Variants in RCAN3 observed in about 807,000 individuals in gnomAD.
The protein encoded by RCAN3 is regulator of calcineurin 3.
Under a neutral mutation model 21.9 loss-of-function variants are expected in RCAN3, and 19 were observed. That is an observed-to-expected ratio of 0.87 (90% confidence interval 0.61 to 1.27). The LOEUF is 1.27. RCAN3 is among the 50% of genes most tolerant of loss of function. The pLI is 0.00. For synonymous variants in RCAN3, 114 were observed against 112.3 expected, an observed-to-expected ratio of 1.01 and a Z score of -0.09; for missense variants, 240 against 300.1, an observed-to-expected ratio of 0.80 and a Z score of 1.48.
intron 2 of RCAN3, among the ~76,000 whole-genome samples, chr1:24,519,723 C>A (rs1648641938): frequency 6.6e-6 from 1 of 152,146 alleles, no homozygotes. Flanking sequence ...GTTCCCAGTG[C>A]AAAGCAACAC....
chr1:24,506,645 C>T (rs1047730103), intron 1 of RCAN3, among the ~76,000 whole-genome samples: 10 of 149,690 alleles, frequency 6.7e-5, no homozygotes, highest in African/African-American at 2.2e-4. Context: ...ACAGCATACC[C>T]GAGTTCCTTG....
chr1:24,522,845 G>A (rs964961412), intron 2 of RCAN3, among the ~76,000 whole-genome samples: 3 of 152,034 alleles, frequency 2.0e-5, no homozygotes, highest in Admixed American at 1.3e-4. Context: ...AAACACCCAC[G>A]TGCCCACCCA....
chr1:24,540,482 T>C lies in RCAN3; in HGVS notation c.*5205T>C, dbSNP rs1233810340. ...GCAGATAATACATGTTTTTAAATAC[T>C]GTTTTCTGTTTAGTCCTCAATCTTC... On this transcript the variant is annotated 3_prime_UTR_variant, in exon 5 of 5. Coordinates refer to ENST00000374395, the MANE Select transcript of RCAN3 (RefSeq NM_013441.4). The C allele has an allele frequency of 6.6e-6, 1 of 152,220 alleles. No homozygotes were observed. Among genetic ancestry groups the C allele is most frequent in the African/African-American group, 2.4e-5 (1 of 41,462 alleles). The allele number at this position is 152,220 out of a possible 1,614,324, so 9.4% of individuals were successfully genotyped here.
Position 24,535,910 on chromosome 1 carries a change from T to C in RCAN3, c.*633T>C, listed in dbSNP as rs1422647812. 6.6e-6 allele frequency: 1 copy of C among 152,218 alleles called. No homozygotes were observed. The highest frequency in any genetic ancestry group is 1.5e-5 in the Non-Finnish European group (1 of 68,032). The allele number at this position is 152,218 out of a possible 1,614,324, so 9.4% of individuals were successfully genotyped here. A position where few individuals can be genotyped will look rare whatever the true frequency, so the allele number is the denominator to read the frequency against. On this transcript the variant is annotated 3_prime_UTR_variant, in exon 5 of 5. Coordinates refer to ENST00000374395, the MANE Select transcript of RCAN3 (RefSeq NM_013441.4). ...GTCTTACGACACAGATCCACCCACA[T>C]GTTGCTCTTATCTGGAATTTGGGAC...
chr1:24,519,691 G>A (rs929370218), intron 2 of RCAN3, among the ~76,000 whole-genome samples: 2 of 152,180 alleles, frequency 1.3e-5, no homozygotes, highest in Non-Finnish European at 2.9e-5. Flanking sequence ...TCTGTGATGG[G>A]TGACACTGAG....
intron 2 of RCAN3, among the ~76,000 whole-genome samples, chr1:24,527,000 T>A (rs1353019643): frequency 6.6e-6 from 1 of 152,194 alleles, no homozygotes; most frequent in Non-Finnish European, 1.5e-5. Context: ...TACTTTAAAA[T>A]CCTTACTATA....
At chr1:24,534,442 A>G (rs1650048611) in intron 4 of RCAN3, among the ~76,000 whole-genome samples, 1 of 152,104 alleles carries the variant, frequency 6.6e-6, no homozygotes, top group East Asian at 1.9e-4. Flanking sequence ...GTCTCTACTA[A>G]AAATACAAAA....
intron 1 of RCAN3, among the ~76,000 whole-genome samples, chr1:24,508,365 C>G (rs6681439): frequency 0.014 from 2,124 of 152,244 alleles, 58 homozygotes; most frequent in African/African-American, 0.048. Context: ...GTCTTAAGGT[C>G]GTTGCACGAA....
intron 2 of RCAN3, among the ~76,000 whole-genome samples, chr1:24,522,430 C>G (rs1022610559): frequency 1.3e-5 from 2 of 152,214 alleles, no homozygotes; most frequent in Admixed American, 1.3e-4. Context: ...TAGCCCTCAA[C>G]CAGTGGAAAA....
At chr1:24,505,585 A>G (rs969258402) in intron 1 of RCAN3, among the ~76,000 whole-genome samples, 1 of 152,182 alleles carries the variant, frequency 6.6e-6, no homozygotes, top group South Asian at 2.1e-4. Flanking sequence ...AAAGGAACTT[A>G]GTAGCCCAAA....
chr1:24,527,177 G>A (rs1649344945), intron 2 of RCAN3, among the ~76,000 whole-genome samples: 1 of 144,964 alleles, frequency 6.9e-6, no homozygotes, highest in Admixed American at 6.9e-5. Context: ...GACTACAGGT[G>A]TGTAATTTTG....
At chr1:24,521,423 A>G (rs922389224) in intron 2 of RCAN3, among the ~76,000 whole-genome samples, 2 of 152,198 alleles carry the variant, frequency 1.3e-5, no homozygotes, top group East Asian at 3.9e-4. Flanking sequence ...ACAAAAAACC[A>G]AAGACTTAAA....
Position 24,505,225 on chromosome 1 carries a change from C to CTTTTT in RCAN3, c.-60+2077_-60+2081dup, listed in dbSNP as rs1351108344. 3.0e-4 allele frequency among the ~76,000 whole-genome samples: 33 copies of CTTTTT among 109,554 alleles called. 1 individual carries two copies. Among genetic ancestry groups the CTTTTT allele is most frequent in the Non-Finnish European group, 4.1e-4 (23 of 55,750 alleles). The allele number at this position is 109,554 out of a possible 152,430, so 71.9% of individuals were successfully genotyped here. ...GTTGTTGCTTTGTTTTTTTTTTTCTCTTTTTTCTTTTTTTTTTTTTTTTTT... is the reference window on the plus strand; with the variant it reads ...GTTGTTGCTTTGTTTTTTTTTTTCTCTTTTTTTTTTTCTTTTTTTTTTTTTTTTTT... On this transcript the variant is annotated intron_variant, in intron 1 of 4. Coordinates refer to ENST00000374395, the MANE Select transcript of RCAN3 (RefSeq NM_013441.4).
chr1:24,532,312 C>T (rs936265233), intron 3 of RCAN3, among the ~76,000 whole-genome samples: 2 of 152,016 alleles, frequency 1.3e-5, no homozygotes, highest in African/African-American at 2.4e-5. Context: ...CCACAACCTC[C>T]GCCTCCCAGG....
chr1:24,531,889 C>T (rs911548820), intron 3 of RCAN3, among the ~76,000 whole-genome samples: 10 of 152,306 alleles, frequency 6.6e-5, no homozygotes, highest in Admixed American at 1.3e-4. Flanking sequence ...AAATTGGCTA[C>T]GCTTAGTATA....
chr1:24,513,413 C>T (rs919749348), intron 1 of RCAN3, among the ~76,000 whole-genome samples: 1 of 152,092 alleles, frequency 6.6e-6, no homozygotes, highest in African/African-American at 2.4e-5. Context: ...CACCCATAAT[C>T]CCAGCACTTT....
chr1:24,513,212 G>A (rs1021166094), intron 1 of RCAN3, among the ~76,000 whole-genome samples: 20 of 152,070 alleles, frequency 1.3e-4, no homozygotes, highest in African/African-American at 4.8e-4. Context: ...ACTCCAGCCT[G>A]GGTGACAGAG....
In RCAN3 at chr1:24,531,206, C is replaced by G. The variant is rs746898158; in HGVS notation, c.196-12C>G. 1 of 1,487,076 alleles carries G rather than the reference C, an allele frequency of 6.7e-7. No homozygotes were observed. The highest frequency in any genetic ancestry group is 1.4e-5 in the South Asian group (1 of 69,702). 92.1% of individuals were successfully genotyped at this position (1,487,076 alleles called of 1,614,324 possible). A position where few individuals can be genotyped will look rare whatever the true frequency, so the allele number is the denominator to read the frequency against. On this transcript the variant is annotated splice_polypyrimidine_tract_variant and intron_variant, in intron 2 of 4. Transcript: ENST00000374395. Reference sequence around the variant, plus strand: ...CTCCCCTTCCCTTTGCCTTGCTGCTCCTTAATTGTAGGAAAGATTTGAAGC... The same window carrying G: ...CTCCCCTTCCCTTTGCCTTGCTGCTGCTTAATTGTAGGAAAGATTTGAAGC...
chr1:24,505,778 G>A (rs892170234), intron 1 of RCAN3, among the ~76,000 whole-genome samples: 1 of 152,158 alleles, frequency 6.6e-6, no homozygotes, highest in Non-Finnish European at 1.5e-5. Context: ...CAAAAAAAGT[G>A]AAAAGTACAT....
Sources: gnomAD v4.1 joint callset for allele counts (sites outside exome capture counted in the v4.1 genomes callset) on GRCh38, gnomAD v4.1.1 for gene constraint, MANE v1.5 for transcripts, NCBI Gene and HGNC (gene_info 2026-07-23, HGNC 2026-07-21) for gene names.